LINGO2: variants seen among roughly 807,000 people sequenced by gnomAD.
LINGO2 encodes the protein leucine-rich repeat and immunoglobulin-like domain-containing nogo receptor-interacting protein 2.
In LINGO2, 14 loss-of-function variants were observed where a neutral mutation model predicts 30.6. The ratio of observed to expected loss-of-function variants is 0.46; its 90% CI spans 0.30 to 0.72. The LOEUF is 0.72. Ranked by LOEUF, LINGO2 falls within the 30% of genes least tolerant of loss-of-function variation. LINGO2 has a pLI of 0.07. For synonymous variants in LINGO2, 317 were observed against 288.5 expected, an observed-to-expected ratio of 1.10 and a Z score of -1.00; for missense variants, 729 against 751.7, an observed-to-expected ratio of 0.97 and a Z score of 0.35.
chr9:28,144,657 T>C (rs1827765060), intron 4 of LINGO2, among the ~76,000 whole-genome samples: 1 of 152,174 alleles, frequency 6.6e-6, no homozygotes, highest in African/African-American at 2.4e-5. Flanking sequence ...TGTTTAAGTC[T>C]TTGCTGAGTG....
At chr9:28,402,429 C>G (rs1468597944) in intron 2 of LINGO2, among the ~76,000 whole-genome samples, 1 of 151,884 alleles carries the variant, frequency 6.6e-6, no homozygotes, top group Non-Finnish European at 1.5e-5. Context: ...AATAAGAAAT[C>G]ATCATCAAGG....
At chr9:28,306,278 G>A (rs986922655) in intron 3 of LINGO2, among the ~76,000 whole-genome samples, 1 of 152,016 alleles carries the variant, frequency 6.6e-6, no homozygotes, top group African/African-American at 2.4e-5. Context: ...TTGAAATGAA[G>A]AAGGTGAAAA....
intron 3 of LINGO2, among the ~76,000 whole-genome samples, chr9:28,359,883 C>A (rs1483501776): frequency 4.6e-5 from 7 of 152,108 alleles, no homozygotes; most frequent in Admixed American, 4.6e-4. Context: ...CCATAAGCAC[C>A]AGTTTACCCT....
At position 28,165,149 on chromosome 9, in the gene LINGO2, T is replaced by C. The variant is rs938454386; in HGVS notation, c.-87+130059A>G. Among the ~76,000 whole-genome samples the C allele has an allele frequency of 3.3e-5, 5 of 152,208 alleles. No individual in the cohort carries two copies. In the South Asian group the frequency reaches 1.0e-3, roughly 32 times the overall value. On this transcript the variant is annotated intron_variant, in intron 4 of 5. Transcript: ENST00000379992. ...GTTACTGCTTCCATTTTAGGACACT[T>C]TAAGTGCAAACCCAGATGCCTAAAA... is the stretch of plus-strand genomic sequence containing the variant.
chr9:28,144,834 C>T (rs10511823), intron 4 of LINGO2, among the ~76,000 whole-genome samples: 6,647 of 152,168 alleles, frequency 0.044, 468 homozygotes, highest in African/African-American at 0.15. Context: ...TAAAGAAGTA[C>T]AACAAGGATG....
the LINGO2 span, among the ~76,000 whole-genome samples, chr9:28,891,744 C>A: frequency 6.6e-6 from 1 of 151,852 alleles, no homozygotes; most frequent in African/African-American, 2.4e-5. Context: ...ATTATCAATG[C>A]TGAAATAAAT....
At chr9:28,100,420 G>A (rs1826378535) in intron 4 of LINGO2, among the ~76,000 whole-genome samples, 1 of 152,106 alleles carries the variant, frequency 6.6e-6, no homozygotes, top group Admixed American at 6.6e-5. Context: ...ATAAATCAGA[G>A]TAAAATGTAG....
At chr9:28,871,190 T>C in the LINGO2 span, among the ~76,000 whole-genome samples, 1 of 151,688 alleles carries the variant, frequency 6.6e-6, no homozygotes, top group Non-Finnish European at 1.5e-5. Context: ...ACTAAAGGTA[T>C]ATAATAATGA....
At chr9:28,691,144 C>T in the LINGO2 span, among the ~76,000 whole-genome samples, 1 of 152,178 alleles carries the variant, frequency 6.6e-6, no homozygotes, top group East Asian at 1.9e-4. Context: ...CTGCTTTAAA[C>T]CAAAAGAATT....
chr9:29,108,598 T>G, the LINGO2 span, among the ~76,000 whole-genome samples: 70 of 152,338 alleles, frequency 4.6e-4, no homozygotes, highest in East Asian at 0.012. Flanking sequence ...AATTATACAT[T>G]ACTTTGGTAA....
At chr9:28,766,675 A>C in the LINGO2 span, among the ~76,000 whole-genome samples, 3 of 151,984 alleles carry the variant, frequency 2.0e-5, no homozygotes, top group Non-Finnish European at 4.4e-5. Context: ...AATTACCTAC[A>C]TGTTTGTCCA....
At chr9:28,609,233 G>T (rs1221587514) in intron 1 of LINGO2, among the ~76,000 whole-genome samples, 2 of 149,814 alleles carry the variant, frequency 1.3e-5, no homozygotes, top group African/African-American at 2.5e-5. Context: ...TCTTTGGTTA[G>T]GTATGTCCTT....
chr9:28,971,744 AG>A, the LINGO2 span, among the ~76,000 whole-genome samples: 1 of 152,224 alleles, frequency 6.6e-6, no homozygotes, highest in Non-Finnish European at 1.5e-5. Flanking sequence ...GTAAGGACAT[AG>A]GCCTGGCCAC....
chr9:29,130,548 G>A, the LINGO2 span, among the ~76,000 whole-genome samples: 1 of 152,032 alleles, frequency 6.6e-6, no homozygotes, highest in East Asian at 1.9e-4. Context: ...AATTCCCCCA[G>A]AGCAAAAATT....
intron 2 of LINGO2, among the ~76,000 whole-genome samples, chr9:28,381,183 G>T (rs1057468159): frequency 1.3e-5 from 2 of 151,780 alleles, no homozygotes; most frequent in African/African-American, 4.8e-5. Flanking sequence ...TAGTGTGGAA[G>T]GTAACTTCAG....
At chr9:29,166,270 G>A in the LINGO2 span, among the ~76,000 whole-genome samples, 1 of 151,970 alleles carries the variant, frequency 6.6e-6, no homozygotes, top group Admixed American at 6.6e-5. Flanking sequence ...TGTGATCTTA[G>A]TTATTCTGTT....
At chr9:28,954,070 G>T in the LINGO2 span, among the ~76,000 whole-genome samples, 642 of 152,190 alleles carry the variant, frequency 4.2e-3, 47 homozygotes, top group East Asian at 0.11. Context: ...GTAGCACAAA[G>T]AATTTTCAAA....
At chr9:28,156,255 C>A (rs189104504) in intron 4 of LINGO2, among the ~76,000 whole-genome samples, 1 of 152,096 alleles carries the variant, frequency 6.6e-6, no homozygotes, top group Non-Finnish European at 1.5e-5. Flanking sequence ...CCTCCCTAAA[C>A]GTGAATAAGA....
chr9:28,430,104 G>A (rs1043379988), intron 2 of LINGO2, among the ~76,000 whole-genome samples: 18 of 34,074 alleles, frequency 5.3e-4, no homozygotes, highest in African/African-American at 9.6e-4. Context: ...CCACGCGCGC[G>A]CGCGCGTGTG....
Sources: allele counts gnomAD v4.1 joint callset (sites outside exome capture counted in the v4.1 genomes callset), GRCh38; gene constraint gnomAD v4.1.1; transcripts MANE v1.5; gene names NCBI Gene and HGNC (gene_info 2026-07-23, HGNC 2026-07-21).